The following ITGAV variants were observed in gnomAD, a reference collection of about 807,000 sequenced individuals.
ITGAV encodes integrin alpha-V.
Under a neutral mutation model 143.8 loss-of-function variants are expected in ITGAV, and 76 were observed. The observed-to-expected ratio is 0.53, with a 90% CI of 0.44 to 0.64. The LOEUF is 0.64. Ranked by LOEUF, ITGAV falls within the 30% of genes least tolerant of loss-of-function variation. ITGAV has a pLI of 0.00. For synonymous variants in ITGAV, 453 were observed against 446.7 expected (o/e 1.01, Z -0.18); for missense variants, 1,193 against 1,274.7 (o/e 0.94, Z 0.98).
At chr2:186,669,949 C>T in intron 26 of ITGAV, 135 bp downstream of exon 26, 1 of 656,462 alleles carries the variant, frequency 1.5e-6, no homozygotes. Context: ...ATGCATTCCT[C>T]TCACTTTCCT....
intron 14 of ITGAV, 38 bp downstream of exon 14, chr2:186,649,923 T>TGTATTCTGCGGTATAG: frequency 7.6e-7 from 1 of 1,308,840 alleles, no homozygotes; most frequent in Non-Finnish European, 1.1e-6. Context: ...AGGAATATTC[T>TGTATTCTGCGGTATAG]GAATTATTTG....
intron 16 of ITGAV, among the ~76,000 whole-genome samples, chr2:186,655,307 T>C (rs1307313405): frequency 6.6e-6 from 1 of 152,156 alleles, no homozygotes; most frequent in Admixed American, 6.5e-5. Context: ...AAACTGAAAC[T>C]GTTGGGTGTG....
chr2:186,628,462 G>C (rs1171399607), intron 4 of ITGAV, among the ~76,000 whole-genome samples: 7 of 152,104 alleles, frequency 4.6e-5, no homozygotes, highest in African/African-American at 1.7e-4. Context: ...TTTCATAACT[G>C]CATGATAAAA....
At chr2:186,671,964 T>C (rs1346300719) in intron 26 of ITGAV, among the ~76,000 whole-genome samples, 1 of 113,024 alleles carries the variant, frequency 8.8e-6, no homozygotes, top group Non-Finnish European at 1.9e-5. Flanking sequence ...TTTTTTTTCT[T>C]TTTTTGAGAC....
At chr2:186,633,398 C>CAATTTTTA in intron 6 of ITGAV, 24 bp downstream of exon 6, 1 of 1,440,066 alleles carries the variant, frequency 6.9e-7, no homozygotes, top group Non-Finnish European at 9.7e-7. Flanking sequence ...TTTTAAATTA[C>CAATTTTTA]AATTGGTGAC....
intron 2 of ITGAV, among the ~76,000 whole-genome samples, chr2:186,614,780 T>A (rs548606346): frequency 5.3e-5 from 8 of 151,846 alleles, no homozygotes; most frequent in Non-Finnish European, 8.8e-5. Flanking sequence ...AAGTCATTTT[T>A]TATATATATA....
intron 25 of ITGAV, 74 bp downstream of exon 25, chr2:186,668,994 CATAAA>C: frequency 7.6e-7 from 1 of 1,320,068 alleles, no homozygotes; most frequent in Non-Finnish European, 1.0e-6. Context: ...AAAAGAAATT[CATAAA>C]ATAAAACAAC....
intron 1 of ITGAV, among the ~76,000 whole-genome samples, chr2:186,593,365 G>A (rs753250867): frequency 9.2e-5 from 14 of 151,892 alleles, no homozygotes; most frequent in Non-Finnish European, 1.5e-4. Flanking sequence ...ATGTTAAGGC[G>A]GCCCCTCAAA....
chr2:186,641,272 C>A, intron 11 of ITGAV, 114 bp from the exon 12 acceptor site: 1 of 753,656 alleles, frequency 1.3e-6, no homozygotes. Flanking sequence ...TTTTGTGTTT[C>A]ACTGTGGGTG....
At chr2:186,646,986 A>T in intron 13 of ITGAV, 109 bp downstream of exon 13, 1 of 772,572 alleles carries the variant, frequency 1.3e-6, no homozygotes, top group South Asian at 2.5e-5. Flanking sequence ...TCAGTATTTC[A>T]TATGTTGATC....
rs187609075 is a variant in ITGAV, at chr2:186,597,439, T to G, written c.186-4582T>G. On this transcript the variant is annotated intron_variant, in intron 1 of 29. Transcript: ENST00000261023. ...ATGACTTATTTATATATGGCTACTTTAAGATTGAGACATAGCTATTGAATT... is the reference window on the plus strand; with the variant it reads ...ATGACTTATTTATATATGGCTACTTGAAGATTGAGACATAGCTATTGAATT... Among the ~76,000 whole-genome samples the G allele has an allele frequency of 5.3e-4, 80 of 152,350 alleles. 1 individual carries two copies. Among genetic ancestry groups the G allele is most frequent in the Middle Eastern group, 3.4e-3 (1 of 294 alleles).
chr2:186,672,575 C>T (rs1472805875), intron 26 of ITGAV, among the ~76,000 whole-genome samples: 1 of 152,164 alleles, frequency 6.6e-6, no homozygotes, highest in African/African-American at 2.4e-5. Flanking sequence ...ACATCTTTGT[C>T]AACACTTATT....
At chr2:186,669,923 C>T (rs912745406) in intron 26 of ITGAV, 109 bp downstream of exon 26, 4 of 743,432 alleles carry the variant, frequency 5.4e-6, no homozygotes, top group Non-Finnish European at 9.2e-6. Flanking sequence ...TGAACAACTA[C>T]ATTTATTTTT....
At chr2:186,637,862 C>G (rs996020026) in intron 8 of ITGAV, among the ~76,000 whole-genome samples, 7 of 152,148 alleles carry the variant, frequency 4.6e-5, no homozygotes. Context: ...TTCAGAGCTC[C>G]GTTTAGGAAT....
At chr2:186,666,416 C>A (rs906990069) in intron 21 of ITGAV, among the ~76,000 whole-genome samples, 2 of 152,176 alleles carry the variant, frequency 1.3e-5, no homozygotes, top group East Asian at 1.9e-4. Context: ...TAGACTTTCA[C>A]TGGATCAACA....
intron 4 of ITGAV, among the ~76,000 whole-genome samples, chr2:186,626,458 A>G (rs533429650): frequency 2.2e-4 from 34 of 152,286 alleles, no homozygotes; most frequent in African/African-American, 7.7e-4. Flanking sequence ...CCCTTAGGCC[A>G]TTATTTTTTG....
Position 186,677,493 on chromosome 2 carries a change from A to G in ITGAV, c.*201A>G, listed in dbSNP as rs1411637205. Reference sequence around the variant, plus strand: ...GACATACATTTAATAACATAGGGTGACTTGTGTTTTTAGGTATTTAAATAA... The same window carrying G: ...GACATACATTTAATAACATAGGGTGGCTTGTGTTTTTAGGTATTTAAATAA... On this transcript the variant is annotated 3_prime_UTR_variant, in exon 30 of 30. Transcript: ENST00000261023. 2.1e-6 allele frequency: 1 copy of G among 487,532 alleles called. No homozygotes were observed. The highest frequency in any genetic ancestry group is 1.9e-5 in the African/African-American group (1 of 51,618). The allele number at this position is 487,532 out of a possible 1,614,324, so 30.2% of individuals were successfully genotyped here. A position where few individuals can be genotyped will look rare whatever the true frequency, so the allele number is the denominator to read the frequency against.
In ITGAV at chr2:186,656,243, A is replaced by G; in HGVS notation, c.1565-4A>G. 1.3e-6 allele frequency: 2 copies of G among 1,581,176 alleles called. No homozygotes were observed. The highest frequency in any genetic ancestry group is 1.7e-6 in the Non-Finnish European group (2 of 1,168,300). The stretch of plus-strand genomic sequence containing the variant: ...GTTGGTTATAAATCCTTTGGTTTAC[A>G]TAGATTTCCAGGTGGAACTTCTTTT... On this transcript the variant is annotated splice_region_variant and splice_polypyrimidine_tract_variant and intron_variant, in intron 16 of 29. Transcript: ENST00000261023.
At chr2:186,603,045 A>G (rs546904464) in intron 2 of ITGAV, among the ~76,000 whole-genome samples, 2 of 152,298 alleles carry the variant, frequency 1.3e-5, no homozygotes, top group East Asian at 3.9e-4. Flanking sequence ...AAGGAGAAAA[A>G]TAGCATGTGT....
Sources: allele counts gnomAD v4.1 joint callset (sites outside exome capture counted in the v4.1 genomes callset), GRCh38; gene constraint gnomAD v4.1.1; transcripts MANE v1.5; gene names NCBI Gene and HGNC (gene_info 2026-07-23, HGNC 2026-07-21).